The following PAPPA variants were observed in gnomAD, a reference collection of about 807,000 sequenced individuals.
The protein encoded by PAPPA is pappalysin-1.
A neutral mutation model predicts 164.0 loss-of-function variants in PAPPA; 60 were observed. The ratio of observed to expected loss-of-function variants is 0.37; its 90% CI spans 0.30 to 0.45. PAPPA has a LOEUF of 0.45. PAPPA is among the 20% of genes least tolerant of loss of function. PAPPA has a pLI of 1.00. For synonymous variants in PAPPA, 875 were observed against 814.1 expected (o/e 1.07, Z -1.27); for missense variants, 1,782 against 2,087.3 (o/e 0.85, Z 2.85).
intron 17 of PAPPA, among the ~76,000 whole-genome samples, chr9:116,358,339 C>G (rs559359108): frequency 2.6e-5 from 4 of 152,336 alleles, no homozygotes; most frequent in South Asian, 4.1e-4. Flanking sequence ...TTGGAAGACA[C>G]AAAATGCATG....
At chr9:116,224,741 T>G (rs1307785770) in intron 5 of PAPPA, among the ~76,000 whole-genome samples, 1 of 152,222 alleles carries the variant, frequency 6.6e-6, no homozygotes, top group Non-Finnish European at 1.5e-5. Context: ...TTTAATTAAA[T>G]TAAGTTTAAA....
Position 116,302,813 on chromosome 9 carries a change from C to G in PAPPA, c.3010C>G (p.Gln1004Glu). 1 of 1,613,926 alleles carries G rather than the reference C, an allele frequency of 6.2e-7. No homozygotes were observed. Among genetic ancestry groups the G allele is most frequent in the Non-Finnish European group, 8.5e-7 (1 of 1,179,908 alleles). The change falls in exon 10 of 22, where the codon CAA becomes GAA. Residue 1004 changes from glutamine (Q) to glutamate (E), a missense_variant. Gln to Glu is a conservative substitution (Grantham distance 29, BLOSUM62 2). Transcript: ENST00000328252. ...TGATGGGGTATGTGAGGAGTTTGAACAAAAAACCAGCATTAAGGACTGTGG... is the reference window on the plus strand; with the variant it reads ...TGATGGGGTATGTGAGGAGTTTGAAGAAAAAACCAGCATTAAGGACTGTGG... ...DGDGVCEEFEQKTSIKDCGVY... is the reference protein window; with the variant it reads ...DGDGVCEEFEEKTSIKDCGVY...
At chr9:116,237,607 A>G (rs1390360110) in intron 7 of PAPPA, among the ~76,000 whole-genome samples, 1 of 152,184 alleles carries the variant, frequency 6.6e-6, no homozygotes, top group Non-Finnish European at 1.5e-5. Context: ...GCAAAATCTC[A>G]GCTAAATCAC....
intron 19 of PAPPA, 59 bp from the exon 20 acceptor site, chr9:116,377,517 C>T (rs2273978): frequency 0.014 from 16,674 of 1,196,230 alleles, 180 homozygotes; most frequent in African/African-American, 0.042. Flanking sequence ...AATGCCAACA[C>T]GGAGGTGGGT....
At chr9:116,211,506 G>C in intron 3 of PAPPA, 133 bp from the exon 4 acceptor site, 1 of 695,048 alleles carries the variant, frequency 1.4e-6, no homozygotes, top group Non-Finnish European at 2.5e-6. Context: ...AGCTCTCAGG[G>C]CAATGGAGTC....
intron 2 of PAPPA, 150 bp downstream of exon 2, chr9:116,188,366 T>C: frequency 1.6e-6 from 1 of 624,884 alleles, no homozygotes. Flanking sequence ...TTTACTCGGG[T>C]CATTGTGGAG....
chr9:116,156,288 G>GTGTA (rs1554730850), intron 1 of PAPPA, among the ~76,000 whole-genome samples: 130 of 141,776 alleles, frequency 9.2e-4, no homozygotes, highest in Non-Finnish European at 1.3e-3. Flanking sequence ...GTGTGTGTGT[G>GTGTA]TATATATATA....
intron 20 of PAPPA, among the ~76,000 whole-genome samples, chr9:116,381,382 G>A (rs1409535757): frequency 6.6e-6 from 1 of 152,178 alleles, no homozygotes; most frequent in Non-Finnish European, 1.5e-5. Context: ...AGACAAACTA[G>A]ACATTGCCCA....
chr9:116,333,249 C>T (rs1170427986), intron 12 of PAPPA, among the ~76,000 whole-genome samples: 1 of 152,200 alleles, frequency 6.6e-6, no homozygotes, highest in Non-Finnish European at 1.5e-5. Context: ...CACTTAGAGG[C>T]TCACTTGCTT....
At chr9:116,353,255 A>G (rs867747406) in intron 16 of PAPPA, among the ~76,000 whole-genome samples, 4 of 152,202 alleles carry the variant, frequency 2.6e-5, no homozygotes, top group Non-Finnish European at 4.4e-5. Flanking sequence ...ATGTGCATGT[A>G]AAGTGCTCAC....
intron 7 of PAPPA, among the ~76,000 whole-genome samples, chr9:116,243,990 G>A (rs1289877376): frequency 6.6e-6 from 1 of 152,130 alleles, no homozygotes; most frequent in African/African-American, 2.4e-5. Context: ...CTTAGCTCAG[G>A]CCAGGGGAGC....
intron 1 of PAPPA, among the ~76,000 whole-genome samples, chr9:116,160,140 T>C (rs985775883): frequency 6.6e-6 from 1 of 152,206 alleles, no homozygotes; most frequent in African/African-American, 2.4e-5. Context: ...TAGTCTGACA[T>C]CCTCTTGTTC....
intron 21 of PAPPA, among the ~76,000 whole-genome samples, chr9:116,391,147 T>C (rs1454779839): frequency 6.6e-6 from 1 of 152,214 alleles, no homozygotes; most frequent in African/African-American, 2.4e-5. Flanking sequence ...TTTTCCACTT[T>C]ATCCTCCATT....
rs541725501 is a variant in PAPPA, at chr9:116,399,068, AATG to A, written c.*2456_*2458del. ...CTGAAGACCCAAAGATGACATTACT[AATG>A]ATGTGATTTCAGGAGCCACAGAAGA... On this transcript the variant is annotated 3_prime_UTR_variant, in exon 22 of 22. Transcript: ENST00000328252. 15 of 172,188 alleles carry A rather than the reference AATG, an allele frequency of 8.7e-5. No homozygotes were observed. In the East Asian group the frequency reaches 2.4e-3, roughly 28 times the overall value. 10.7% of individuals were successfully genotyped at this position (172,188 alleles called of 1,614,324 possible).
At chr9:116,304,656 G>C (rs1057241985) in intron 10 of PAPPA, among the ~76,000 whole-genome samples, 2 of 152,222 alleles carry the variant, frequency 1.3e-5, no homozygotes, top group Non-Finnish European at 2.9e-5. Flanking sequence ...GAAGCTTCAT[G>C]GGGCAATTAT....
chr9:116,353,011 G>A, intron 16 of PAPPA, 95 bp downstream of exon 16: 1 of 880,684 alleles, frequency 1.1e-6, no homozygotes, highest in Non-Finnish European at 1.9e-6. Context: ...TTCTTCACTG[G>A]AGGTAATGAC....
chr9:116,208,365 C>T (rs891029517), intron 3 of PAPPA, among the ~76,000 whole-genome samples: 7 of 124,650 alleles, frequency 5.6e-5, no homozygotes, highest in Non-Finnish European at 1.0e-4. Flanking sequence ...TAATATTATG[C>T]TATCTACTTT....
intron 9 of PAPPA, among the ~76,000 whole-genome samples, chr9:116,289,379 A>ATATATATAGCATATATATG (rs1564212469): frequency 0.02 from 1,197 of 61,328 alleles, 56 homozygotes; most frequent in South Asian, 0.036. Context: ...GCATATATAT[A>ATATATATAGCATATATATG]GCATATGTAT....
At chr9:116,202,105 G>T (rs1844178172) in intron 2 of PAPPA, among the ~76,000 whole-genome samples, 1 of 152,216 alleles carries the variant, frequency 6.6e-6, no homozygotes, top group Admixed American at 6.5e-5. Flanking sequence ...TGGGCTCACT[G>T]TAAGCTGTAC....
Sources: gnomAD v4.1 joint callset for allele counts (sites outside exome capture counted in the v4.1 genomes callset) on GRCh38, gnomAD v4.1.1 for gene constraint, MANE v1.5 for transcripts, NCBI Gene and HGNC (gene_info 2026-07-23, HGNC 2026-07-21) for gene names.